Variants in UBE2Q2 observed in about 807,000 individuals in gnomAD.
UBE2Q2 encodes the protein ubiquitin-conjugating enzyme E2 Q2.
UBE2Q2 carries 54 observed loss-of-function variants against 59.9 expected under a neutral mutation model. The observed-to-expected ratio is 0.90, with a 90% CI of 0.72 to 1.13. UBE2Q2 has a LOEUF of 1.13. Ranked by LOEUF, UBE2Q2 falls within the 50% of genes most tolerant of loss-of-function variation. The pLI is 0.00. For synonymous variants in UBE2Q2, 165 were observed against 155.2 expected (o/e 1.06, Z -0.47); for missense variants, 433 against 441.9 (o/e 0.98, Z 0.18).
chr15:75,865,002 T>G (rs1897384560), intron 3 of UBE2Q2, among the ~76,000 whole-genome samples: 1 of 152,248 alleles, frequency 6.6e-6, no homozygotes. Context: ...GCCATACTAT[T>G]AAAACTTTTT....
At chr15:75,868,860 T>G in intron 3 of UBE2Q2, 91 bp from the exon 4 acceptor site, 1 of 1,055,002 alleles carries the variant, frequency 9.5e-7, no homozygotes, top group Non-Finnish European at 1.4e-6. Context: ...CAGTGACAGA[T>G]GTTTGAGAGT....
chr15:75,874,710 T>C (rs75130463), intron 5 of UBE2Q2, among the ~76,000 whole-genome samples: 1 of 152,372 alleles, frequency 6.6e-6, no homozygotes, highest in East Asian at 1.9e-4. Context: ...ACATACCTTT[T>C]GGATGATTGC....
At chr15:75,855,215 G>A (rs915887888) in intron 2 of UBE2Q2, among the ~76,000 whole-genome samples, 4 of 152,152 alleles carry the variant, frequency 2.6e-5, no homozygotes, top group Non-Finnish European at 5.9e-5. Context: ...TACTGGCCAG[G>A]TGTGGTGGCT....
At chr15:75,876,322 A>T (rs916703400) in intron 6 of UBE2Q2, 51 bp downstream of exon 6, 2 of 1,455,546 alleles carry the variant, frequency 1.4e-6, no homozygotes, top group Non-Finnish European at 1.9e-6. Flanking sequence ...GCTCTTTTCT[A>T]TTGTCAGATT....
chr15:75,891,051 A>T (rs746727245), intron 11 of UBE2Q2, 37 bp downstream of exon 11: 25 of 1,471,198 alleles, frequency 1.7e-5, no homozygotes, highest in Non-Finnish European at 2.2e-5. Flanking sequence ...ACCATAAGAT[A>T]CATTTTATAT....
chr15:75,844,132 G>A, intron 1 of UBE2Q2: 1 of 1,413,498 alleles, frequency 7.1e-7, no homozygotes, highest in Non-Finnish European at 9.2e-7. Context: ...GGGAGTCCGC[G>A]GCGGCCCAAG....
chr15:75,874,286 CTTT>C (rs112714715), intron 5 of UBE2Q2, among the ~76,000 whole-genome samples: 3,866 of 139,796 alleles, frequency 0.028, 190 homozygotes, highest in African/African-American at 0.095. Flanking sequence ...ACTTAACATC[CTTT>C]TTTTTTTTTT....
chr15:75,884,936 C>T (rs1898673493), intron 9 of UBE2Q2, among the ~76,000 whole-genome samples: 1 of 152,066 alleles, frequency 6.6e-6, no homozygotes, highest in African/African-American at 2.4e-5. Context: ...AAGTCTAAGC[C>T]ACTGTGCCTG....
intron 12 of UBE2Q2, 39 bp downstream of exon 12, chr15:75,897,100 A>C (rs1386542471): frequency 3.8e-6 from 5 of 1,315,696 alleles, no homozygotes; most frequent in Non-Finnish European, 5.3e-6. Flanking sequence ...CCATTTAAGA[A>C]GTTTTAGATA....
chr15:75,845,966 T>G (rs1441397861), intron 1 of UBE2Q2, among the ~76,000 whole-genome samples: 2 of 152,242 alleles, frequency 1.3e-5, no homozygotes, highest in African/African-American at 4.8e-5. Flanking sequence ...TAGAAACTAT[T>G]AAAATTGACT....
At chr15:75,851,732 C>T (rs1896643789) in intron 1 of UBE2Q2, among the ~76,000 whole-genome samples, 1 of 152,158 alleles carries the variant, frequency 6.6e-6, no homozygotes, top group Admixed American at 6.5e-5. Flanking sequence ...GGTTAATTCA[C>T]TTCATGACTT....
chr15:75,856,269 G>GTGTGTGTGTGTGTATATATA (rs1256142539), intron 2 of UBE2Q2, among the ~76,000 whole-genome samples: 1 of 139,286 alleles, frequency 7.2e-6, no homozygotes, highest in African/African-American at 2.7e-5. Flanking sequence ...GTGTGTGTGT[G>GTGTGTGTGTGTGTATATATA]TATATATATA....
At chr15:75,884,601 A>G (rs1015027394) in intron 9 of UBE2Q2, among the ~76,000 whole-genome samples, 1 of 152,200 alleles carries the variant, frequency 6.6e-6, no homozygotes, top group East Asian at 1.9e-4. Flanking sequence ...TTCGTATTAC[A>G]TATGGATATG....
chr15:75,856,547 C>T (rs1367555380), intron 2 of UBE2Q2, among the ~76,000 whole-genome samples: 7 of 152,096 alleles, frequency 4.6e-5, no homozygotes, highest in Non-Finnish European at 7.4e-5. Context: ...CTAGATTATT[C>T]TGTAAACAGT....
At chr15:75,848,327 A>G (rs1011212290) in intron 1 of UBE2Q2, among the ~76,000 whole-genome samples, 1 of 152,250 alleles carries the variant, frequency 6.6e-6, no homozygotes, top group East Asian at 1.9e-4. Flanking sequence ...AAAGTAGTCC[A>G]GTCAAAGTTG....
At chr15:75,861,187 C>G (rs1217622181) in intron 3 of UBE2Q2, among the ~76,000 whole-genome samples, 1 of 152,168 alleles carries the variant, frequency 6.6e-6, no homozygotes, top group Non-Finnish European at 1.5e-5. Flanking sequence ...ATAGCACATC[C>G]CCATCAACGT....
rs1049286725 is a variant in UBE2Q2, at chr15:75,900,474, A to G, written c.*1016A>G. The stretch of plus-strand genomic sequence containing the variant: ...CTCAAATCAAGGTACTCTCCATTTT[A>G]TTGCCTTACCTGAATCAGTCCTTTT... On this transcript the variant is annotated 3_prime_UTR_variant, in exon 13 of 13. Coordinates refer to ENST00000267938, the MANE Select transcript of UBE2Q2 (RefSeq NM_173469.4). 1.3e-5 allele frequency: 2 copies of G among 152,594 alleles called. No individual in the cohort carries two copies. The highest frequency in any genetic ancestry group is 2.4e-5 in the African/African-American group (1 of 41,440). The allele number at this position is 152,594 out of a possible 1,614,324, so 9.5% of individuals were successfully genotyped here.
Position 75,859,873 on chromosome 15 carries a change from T to C in UBE2Q2, c.283-5T>C, listed in dbSNP as rs202167934. ...AATGCTTATTTACTGAAATGTGTTT[T>C]GTAGCTTCGTCAGCAATTGAAGTGG... On this transcript the variant is annotated splice_region_variant and splice_polypyrimidine_tract_variant and intron_variant, in intron 2 of 12. Transcript: ENST00000267938. The C allele has an allele frequency of 3.8e-6, 6 of 1,584,114 alleles. No homozygotes were observed. The highest frequency in any genetic ancestry group is 1.7e-4 in the Middle Eastern group (1 of 5,978).
intron 3 of UBE2Q2, among the ~76,000 whole-genome samples, chr15:75,864,629 C>T (rs1218213712): frequency 4.1e-5 from 6 of 147,812 alleles, no homozygotes; most frequent in Non-Finnish European, 8.9e-5. Context: ...AAAAAAGGAT[C>T]GCTTCATGTA....
Sources: allele counts gnomAD v4.1 joint callset (sites outside exome capture counted in the v4.1 genomes callset), GRCh38; gene constraint gnomAD v4.1.1; transcripts MANE v1.5; gene names NCBI Gene and HGNC (gene_info 2026-07-23, HGNC 2026-07-21).